The following RAI1 variants were observed in gnomAD, a reference collection of about 807,000 sequenced individuals.
RAI1 encodes retinoic acid induced 1, also known as retinoic acid-induced protein 1.
In RAI1, 9 loss-of-function variants were observed where a neutral mutation model predicts 123.8. The ratio of observed to expected loss-of-function variants is 0.07; its 90% CI spans 0.04 to 0.13. The LOEUF (loss-of-function observed/expected upper bound fraction) is 0.13. RAI1 is among the 10% of genes least tolerant of loss of function. RAI1 has a pLI of 1.00. For synonymous variants in RAI1, 1,231 were observed against 1,127.3 expected, an observed-to-expected ratio of 1.09 and a Z score of -1.84; for missense variants, 2,256 against 2,545.8, an observed-to-expected ratio of 0.89 and a Z score of 2.45.
intron 2 of RAI1, among the ~76,000 whole-genome samples, chr17:17,757,592 C>T (rs892649527): frequency 2.0e-5 from 3 of 152,068 alleles, no homozygotes; most frequent in Admixed American, 6.5e-5. Context: ...CCGTGGCTGC[C>T]GCCTCTTCTC....
At chr17:17,737,294 C>T (rs1916461353) in intron 2 of RAI1, among the ~76,000 whole-genome samples, 1 of 152,076 alleles carries the variant, frequency 6.6e-6, no homozygotes, top group Non-Finnish European at 1.5e-5. Flanking sequence ...GTCTCAGGGG[C>T]CCAGAGACCC....
rs190244153 is a variant in RAI1, at chr17:17,756,134, G to A, written c.-17+31975G>A. Among the ~76,000 whole-genome samples the A allele has an allele frequency of 2.0e-5, 3 of 152,178 alleles. 1 individual carries two copies. The highest frequency in any genetic ancestry group is 4.1e-4 in the South Asian group (2 of 4,822). On this transcript the variant is annotated intron_variant, in intron 2 of 5. Transcript: ENST00000353383. ...CTGGGACAGGAGTTCTGGAGCCTGC[G>A]AAACTTAAGCATCCATCATGGGACC...
intron 3 of RAI1, 108 bp downstream of exon 3, chr17:17,798,621 T>A: frequency 6.6e-7 from 1 of 1,521,416 alleles, no homozygotes; most frequent in Admixed American, 1.9e-5. Flanking sequence ...GCCAAATGTG[T>A]CTGCAGTCTC....
In RAI1 at chr17:17,794,428, G is replaced by T; in HGVS notation, c.1480G>T (p.Gly494Cys). ...EGSGYSAEPA[G>C]TPLSEPPSST... is the part of the protein sequence containing the mutation. ...GAGCGGCTACTCAGCCGAGCCCGCAGGCACACCGCTGTCAGAGCCGCCGAG... is the reference window on the plus strand; with the variant it reads ...GAGCGGCTACTCAGCCGAGCCCGCATGCACACCGCTGTCAGAGCCGCCGAG... The change falls in exon 3 of 6, where the codon GGC (glycine) becomes TGC (cysteine). Residue 494 changes from glycine (G) to cysteine (C), a missense_variant. Transcript: ENST00000353383. 1 of 1,612,956 alleles carries T rather than the reference G, an allele frequency of 6.2e-7. No individual in the cohort carries two copies. The highest frequency in any genetic ancestry group is 8.5e-7 in the Non-Finnish European group (1 of 1,180,012).
intron 1 of RAI1, among the ~76,000 whole-genome samples, chr17:17,692,238 G>A (rs1914864328): frequency 6.6e-6 from 1 of 152,210 alleles, no homozygotes; most frequent in Non-Finnish European, 1.5e-5. Context: ...GCCTCTGCCT[G>A]AGAGGGCCAG....
intron 2 of RAI1, among the ~76,000 whole-genome samples, chr17:17,734,473 G>A (rs1194785668): frequency 6.6e-6 from 1 of 152,148 alleles, no homozygotes; most frequent in Non-Finnish European, 1.5e-5. Context: ...GGGATGTTAA[G>A]GAGGTTCCAG....
chr17:17,805,307 G>C (rs1477157650), intron 4 of RAI1, among the ~76,000 whole-genome samples: 1 of 152,062 alleles, frequency 6.6e-6, no homozygotes, highest in Non-Finnish European at 1.5e-5. Flanking sequence ...TACCCACACG[G>C]TGCTGCCTCA....
At chr17:17,712,903 C>T (rs1052083404) in intron 1 of RAI1, among the ~76,000 whole-genome samples, 1 of 151,748 alleles carries the variant, frequency 6.6e-6, no homozygotes, top group African/African-American at 2.4e-5. Context: ...GGCTGCAGAT[C>T]ATATGATTCC....
chr17:17,781,035 G>A (rs2031559370), intron 2 of RAI1, among the ~76,000 whole-genome samples: 1 of 152,176 alleles, frequency 6.6e-6, no homozygotes, highest in Non-Finnish European at 1.5e-5. Flanking sequence ...CCTCTCTGCT[G>A]GAATCTCCAC....
intron 1 of RAI1, among the ~76,000 whole-genome samples, chr17:17,688,445 T>A (rs7214245): frequency 0.51 from 77,246 of 151,350 alleles, 21,093 homozygotes; most frequent in African/African-American, 0.67. Context: ...AGATCGTGCC[T>A]CTGCACTCCA....
intron 2 of RAI1, among the ~76,000 whole-genome samples, chr17:17,749,004 G>A (rs2030041220): frequency 6.6e-6 from 1 of 152,212 alleles, no homozygotes; most frequent in South Asian, 2.1e-4. Context: ...CAGCAGCAGG[G>A]CTGGCATGGA....
Position 17,796,410 on chromosome 17 carries a change from G to A in RAI1, c.3462G>A (p.Glu1154=). The A allele has an allele frequency of 1.2e-6, 2 of 1,613,654 alleles. No individual in the cohort carries two copies. The highest frequency in any genetic ancestry group is 1.7e-6 in the Non-Finnish European group (2 of 1,180,026). The change falls in exon 3 of 6, where the codon GAG becomes GAA. Residue 1154 remains glutamate (E), a synonymous_variant. Coordinates refer to ENST00000353383, the MANE Select transcript of RAI1 (RefSeq NM_030665.4). This position sits in a 1 kb window ranked among gnomAD's most constrained non-coding sequence, Gnocchi z 5.8. The part of the protein sequence containing the change: ...MILRSRTKTQ[E]IFHSKRRRPS... ...TTCGGTCACGCACCAAAACCCAGGA[G>A]ATCTTCCACTCCAAGCGGCGGAGGC...
chr17:17,694,254 G>T (rs576600474), intron 1 of RAI1, among the ~76,000 whole-genome samples: 2 of 152,310 alleles, frequency 1.3e-5, no homozygotes, highest in South Asian at 4.1e-4. Context: ...GATGCCTGGG[G>T]TGTAGGTGGG....
chr17:17,745,260 G>A (rs568747455), intron 2 of RAI1, among the ~76,000 whole-genome samples: 1 of 151,826 alleles, frequency 6.6e-6, no homozygotes, highest in African/African-American at 2.4e-5. Flanking sequence ...GGAAAGGGAG[G>A]TATTTGGGAT....
intron 4 of RAI1, among the ~76,000 whole-genome samples, chr17:17,807,458 C>A (rs865915171): frequency 2.0e-5 from 3 of 152,240 alleles, no homozygotes; most frequent in Non-Finnish European, 4.4e-5. Flanking sequence ...TGTTAAGGAA[C>A]CCACTTTGGA....
At chr17:17,783,185 G>T (rs1455276190) in intron 2 of RAI1, among the ~76,000 whole-genome samples, 1 of 152,072 alleles carries the variant, frequency 6.6e-6, no homozygotes, top group Non-Finnish European at 1.5e-5. Flanking sequence ...CGCCTGCAGC[G>T]ACCGGGGACC....
In RAI1 at chr17:17,795,674, A is replaced by G. The variant is rs201527116; in HGVS notation, c.2726A>G (p.Asp909Gly). Residue 909 changes from aspartate (D) to glycine (G), a missense_variant, in exon 3 of 6, where the codon GAC becomes GGC. Physicochemically the swap from Asp to Gly is moderately conservative, Grantham distance 94. Around this residue, in one of 7 missense-constraint regions of RAI1, gnomAD observed 566 missense variants for 616.0 expected, o/e 0.92. Coordinates refer to ENST00000353383, the MANE Select transcript of RAI1 (RefSeq NM_030665.4). This position sits in a 1 kb window ranked among gnomAD's most constrained non-coding sequence, Gnocchi z 5.9. Reference protein sequence around the residue: ...CTKEEVEEVLDSKAGWGSPCH... With the variant: ...CTKEEVEEVLGSKAGWGSPCH... ...AAGGAGGAGGTGGAGGAGGTGCTGG[A>G]CTCCAAGGCCGGCTGGGGCTCTCCG... The G allele has an allele frequency of 4.3e-5, 70 of 1,613,028 alleles. No individual in the cohort carries two copies. The highest frequency in any genetic ancestry group is 1.5e-4 in the Admixed American group (9 of 59,978).
Position 17,809,900 on chromosome 17 carries a change from A to C in RAI1, c.5710-70A>C. ...TCTGGGGCTTAGGCGGGGGGCCCAC[A>C]CTGGGGGCGGGGCCTATGGACTGTG... On this transcript the variant is annotated intron_variant, in intron 5 of 5. Transcript: ENST00000353383. This position sits in a 1 kb window ranked among gnomAD's most constrained non-coding sequence, Gnocchi z 4.9. 1 of 1,547,816 alleles carries C rather than the reference A, an allele frequency of 6.5e-7. No individual in the cohort carries two copies. Among genetic ancestry groups the C allele is most frequent in the South Asian group, 1.2e-5 (1 of 84,058 alleles).
At chr17:17,715,722 C>T (rs1301366979) in intron 1 of RAI1, among the ~76,000 whole-genome samples, 1 of 152,146 alleles carries the variant, frequency 6.6e-6, no homozygotes, top group Non-Finnish European at 1.5e-5. Context: ...GATTCAGATG[C>T]CCCCCGGAAA....
Sources: gnomAD v4.1 joint callset for allele counts (sites outside exome capture counted in the v4.1 genomes callset) on GRCh38, gnomAD v4.1.1 for gene constraint, gnomAD v4.1.1 regional missense constraint, Gnocchi (gnomAD v3.1) non-coding constraint, MANE v1.5 for transcripts, NCBI Gene and HGNC (gene_info 2026-07-23, HGNC 2026-07-21) for gene names.